RAC2: variants seen among roughly 807,000 people sequenced by gnomAD.
RAC2 encodes the protein Rac family small GTPase 2, also known as ras-related C3 botulinum toxin substrate 2.
Under a neutral mutation model 24.0 loss-of-function variants are expected in RAC2, and 1 was observed. The ratio of observed to expected loss-of-function variants is 0.04; its 90% confidence interval spans 0.01 to 0.20. The LOEUF (loss-of-function observed/expected upper bound fraction) is 0.20. Among genes scored for constraint, RAC2 ranks in the 10% least tolerant of loss-of-function variants. The probability of loss-of-function intolerance (pLI) is 1.00; values close to 1 mark genes in which losing one functional copy is unlikely to be tolerated. For synonymous variants in RAC2, 114 were observed against 106.8 expected (o/e 1.07, Z -0.41); for missense variants, 130 against 259.1 (o/e 0.50, Z 3.42).
At position 37,226,789 on chromosome 22, in the gene RAC2, G is replaced by A; in HGVS notation, c.463C>T (p.Leu155=). 6.2e-7 allele frequency: 1 copy of A among 1,612,936 alleles called. No individual in the cohort carries two copies. The highest frequency in any genetic ancestry group is 1.1e-5 in the South Asian group (1 of 91,082). The change falls in exon 6 of 7, where the codon CTG becomes TTG. Residue 155 remains leucine, a synonymous_variant. Coordinates refer to ENST00000249071, the MANE Select transcript of RAC2 (RefSeq NM_002872.5). ...LAKEIDSVKY[L]ECSALTQRGL... Reference sequence around the variant, plus strand: ...CTCTGGGTGAGAGCTGAGCACTCCAGGTATTTCACCGAGTCTGGTTGGGGA... The same window carrying A: ...CTCTGGGTGAGAGCTGAGCACTCCAAGTATTTCACCGAGTCTGGTTGGGGA...
chr22:37,234,820 T>C (rs1288250458), intron 2 of RAC2, among the ~76,000 whole-genome samples: 2 of 152,178 alleles, frequency 1.3e-5, no homozygotes, highest in East Asian at 3.9e-4. Flanking sequence ...CCCTCTGGAA[T>C]ACGCTTCCAG....
At chr22:37,230,923 C>T (rs112526278) in intron 5 of RAC2, among the ~76,000 whole-genome samples, 1 of 152,170 alleles carries the variant, frequency 6.6e-6, no homozygotes, top group Non-Finnish European at 1.5e-5. Flanking sequence ...ACTACTAGGA[C>T]GACTACTACT....
At chr22:37,234,365 G>T (rs1373714977) in intron 2 of RAC2, among the ~76,000 whole-genome samples, 1 of 152,196 alleles carries the variant, frequency 6.6e-6, no homozygotes, top group African/African-American at 2.4e-5. Flanking sequence ...GGGAAAACTT[G>T]GCTCAGAGAG....
intron 1 of RAC2, 86 bp downstream of exon 1, chr22:37,244,028 C>T (rs1838233587): frequency 6.4e-7 from 1 of 1,572,068 alleles, no homozygotes; most frequent in African/African-American, 1.4e-5. Flanking sequence ...TTCTGCAGGG[C>T]CAGGGGCTTC....
At chr22:37,241,563 C>A (rs771922318) in intron 2 of RAC2, 24 bp downstream of exon 2, 2 of 1,602,878 alleles carry the variant, frequency 1.2e-6, no homozygotes, top group Admixed American at 3.3e-5. Flanking sequence ...CCTCCCACCA[C>A]CCCACATATC....
intron 2 of RAC2, chr22:37,241,217 C>T: frequency 2.6e-6 from 2 of 769,092 alleles, no homozygotes; most frequent in East Asian, 4.9e-5. Context: ...CCAGGTGTCC[C>T]TGTTCCTTGG....
In RAC2 at chr22:37,226,691, G is replaced by C. The variant is rs201536161; in HGVS notation, c.561C>G (p.Arg187=). 1 of 1,612,978 alleles carries C rather than the reference G, an allele frequency of 6.2e-7. No homozygotes were observed. The highest frequency in any genetic ancestry group is 8.5e-7 in the Non-Finnish European group (1 of 1,179,524). ...LCPQPTRQQK[R]ACSLL is the part of the protein sequence containing the mutation. Reference sequence around the variant, plus strand: ...CTTACCCCTAGAGGAGGCTGCAGGCGCGCTTCTGCTGCCGCGTGGGCTGAG... The same window carrying C: ...CTTACCCCTAGAGGAGGCTGCAGGCCCGCTTCTGCTGCCGCGTGGGCTGAG... The change falls in exon 6 of 7, where the codon CGC becomes CGG. Residue 187 remains arginine (R), a synonymous_variant. Coordinates refer to ENST00000249071, the MANE Select transcript of RAC2 (RefSeq NM_002872.5).
At chr22:37,229,414 G>A (rs1226962150) in intron 5 of RAC2, among the ~76,000 whole-genome samples, 1 of 152,186 alleles carries the variant, frequency 6.6e-6, no homozygotes, top group African/African-American at 2.4e-5. Flanking sequence ...CCAGCAACAT[G>A]TCCCCCCGAG....
intron 5 of RAC2, among the ~76,000 whole-genome samples, chr22:37,230,585 C>T (rs539758459): frequency 2.0e-5 from 3 of 152,280 alleles, no homozygotes; most frequent in African/African-American, 7.2e-5. Context: ...ATTTGCTGTC[C>T]TTCCTTCAAA....
At chr22:37,243,298 C>T (rs1263593673) in intron 1 of RAC2, among the ~76,000 whole-genome samples, 3 of 152,188 alleles carry the variant, frequency 2.0e-5, no homozygotes, top group Admixed American at 6.5e-5. Flanking sequence ...CTGCACCTGG[C>T]CTGGACCTGT....
At position 37,226,869 on chromosome 22, in the gene RAC2, C is replaced by T. The variant is rs952815748; in HGVS notation, c.449-66G>A. 3.1e-6 allele frequency: 5 copies of T among 1,592,058 alleles called. No individual in the cohort carries two copies. In the African/African-American group the frequency reaches 4.1e-5, roughly 13 times the overall value. On this transcript the variant is annotated intron_variant, in intron 5 of 6. Coordinates refer to ENST00000249071, the MANE Select transcript of RAC2 (RefSeq NM_002872.5). ...CGGGGGGGGTTCTGGGCCAACATGT[C>T]TCCTATGCCATACAACCCCTTCCAC...
rs572809102 is a variant in RAC2, at chr22:37,240,751, G to T, written c.107+836C>A. On this transcript the variant is annotated intron_variant, in intron 2 of 6. Coordinates refer to ENST00000249071, the MANE Select transcript of RAC2 (RefSeq NM_002872.5). ...GTGGAGACCCCTTCGTGGTAGATCA[G>T]AAAGGCTTCCCGGAGGAGGGGGCAC... The T allele has an allele frequency of 6.3e-6, 3 of 473,514 alleles. No homozygotes were observed. In the South Asian group the frequency reaches 7.9e-5, roughly 13 times the overall value. The allele number at this position is 473,514 out of a possible 1,614,324, so 29.3% of individuals were successfully genotyped here. A position where few individuals can be genotyped will look rare whatever the true frequency, so the allele number is the denominator to read the frequency against.
At chr22:37,229,541 C>T (rs1166348795) in intron 5 of RAC2, among the ~76,000 whole-genome samples, 1 of 152,220 alleles carries the variant, frequency 6.6e-6, no homozygotes, top group African/African-American at 2.4e-5. Context: ...CAGCTGGGCT[C>T]AGGGCTGCCC....
intron 5 of RAC2, among the ~76,000 whole-genome samples, chr22:37,230,939 A>T (rs1175287366): frequency 6.6e-6 from 1 of 152,214 alleles, no homozygotes; most frequent in Non-Finnish European, 1.5e-5. Flanking sequence ...CTACTAACAC[A>T]GAGTGCTTCT....
intron 2 of RAC2, chr22:37,240,878 G>C: frequency 1.6e-6 from 1 of 625,360 alleles, no homozygotes; most frequent in Non-Finnish European, 3.0e-6. Flanking sequence ...GAAATGTGCA[G>C]GGAGCTTGTG....
At chr22:37,236,597 T>C (rs1327708656) in intron 2 of RAC2, among the ~76,000 whole-genome samples, 3 of 152,128 alleles carry the variant, frequency 2.0e-5, no homozygotes, top group Non-Finnish European at 2.9e-5. Flanking sequence ...CATGTTTTCA[T>C]CTAGTGCCTG....
At chr22:37,239,396 C>A (rs1243269227) in intron 2 of RAC2, among the ~76,000 whole-genome samples, 3 of 152,230 alleles carry the variant, frequency 2.0e-5, no homozygotes, top group African/African-American at 7.2e-5. Flanking sequence ...ATAGAGCTGG[C>A]CCTACTGGGA....
chr22:37,242,504 C>T (rs927405989), intron 1 of RAC2, among the ~76,000 whole-genome samples: 2 of 152,156 alleles, frequency 1.3e-5, no homozygotes, highest in African/African-American at 4.8e-5. Flanking sequence ...GTAGCTCAGC[C>T]GAAGCCCAGA....
chr22:37,238,698 G>A (rs1927307831), intron 2 of RAC2, among the ~76,000 whole-genome samples: 1 of 152,208 alleles, frequency 6.6e-6, no homozygotes, highest in Non-Finnish European at 1.5e-5. Flanking sequence ...CATCCACAGA[G>A]CAGACTCAGG....
Sources: gnomAD v4.1 joint callset for allele counts (sites outside exome capture counted in the v4.1 genomes callset) on GRCh38, gnomAD v4.1.1 for gene constraint, MANE v1.5 for transcripts, NCBI Gene and HGNC (gene_info 2026-07-23, HGNC 2026-07-21) for gene names.